Variants in SRSF6 observed in about 807,000 individuals in gnomAD.
SRSF6 encodes the protein serine/arginine-rich splicing factor 6.
In SRSF6, 17 loss-of-function variants were observed where a neutral mutation model predicts 42.0. The ratio of observed to expected loss-of-function variants is 0.40; its 90% CI spans 0.28 to 0.61. SRSF6 has a LOEUF of 0.61. SRSF6 is among the 20% of genes least tolerant of loss of function. The pLI is 0.37. For synonymous variants in SRSF6, 204 were observed against 166.7 expected (o/e 1.22, Z -1.72); for missense variants, 379 against 471.4 (o/e 0.80, Z 1.81).
In SRSF6 at chr20:43,457,953, C is replaced by T. The variant is rs2017521888; in HGVS notation, c.-81C>T. ...GTGAGGCGCGTGTTCGGGCTCTTGCCGTCCCCGCACCCGCACCGCGGTTAC... is the reference window on the plus strand; with the variant it reads ...GTGAGGCGCGTGTTCGGGCTCTTGCTGTCCCCGCACCCGCACCGCGGTTAC... On this transcript the variant is annotated 5_prime_UTR_variant, in exon 1 of 6. Transcript: ENST00000244020. The T allele has an allele frequency of 9.9e-6, 12 of 1,212,308 alleles. No homozygotes were observed. Among genetic ancestry groups the T allele is most frequent in the South Asian group, 2.6e-5 (2 of 78,254 alleles). 75.1% of individuals were successfully genotyped at this position (1,212,308 alleles called of 1,614,324 possible). A position where few individuals can be genotyped will look rare whatever the true frequency, so the allele number is the denominator to read the frequency against.
At chr20:43,458,332 C>A in intron 1 of SRSF6, 29 bp from the exon 2 acceptor site, 2 of 1,515,030 alleles carry the variant, frequency 1.3e-6, no homozygotes, top group Non-Finnish European at 1.8e-6. Flanking sequence ...GACTCCCCCG[C>A]GGTTGTCCGG....
rs1443186386 is a variant in SRSF6 at position 43,461,565 on chromosome 20, T to C, written c.*502T>C. On this transcript the variant is annotated 3_prime_UTR_variant, in exon 6 of 6. Transcript: ENST00000244020. Reference sequence around the variant, plus strand: ...GTTTGCTACCAAGATGATTGCCTTATTGAATAGGTCACTATTAAATTCCTT... The same window carrying C: ...GTTTGCTACCAAGATGATTGCCTTACTGAATAGGTCACTATTAAATTCCTT... 6 of 152,632 alleles carry C rather than the reference T, an allele frequency of 3.9e-5. No individual in the cohort carries two copies. Among genetic ancestry groups the C allele is most frequent in the Non-Finnish European group, 8.8e-5 (6 of 68,094 alleles). 9.5% of individuals were successfully genotyped at this position (152,632 alleles called of 1,614,324 possible). A position where few individuals can be genotyped will look rare whatever the true frequency, so the allele number is the denominator to read the frequency against.
intron 3 of SRSF6, 36 bp from the exon 4 acceptor site, chr20:43,459,997 T>G: frequency 6.2e-7 from 1 of 1,613,680 alleles, no homozygotes; most frequent in Non-Finnish European, 8.5e-7. Flanking sequence ...TATAGATGTT[T>G]TAAGATTTCC....
Position 43,458,361 on chromosome 20 carries a change from G to C in SRSF6, c.108G>C (p.Gly36=). The change falls in exon 2 of 6, where the codon GGG becomes GGC. Residue 36 remains glycine, a splice_region_variant and synonymous_variant. Coordinates refer to ENST00000244020, the MANE Select transcript of SRSF6 (RefSeq NM_006275.6). ...GRLLEVDLKN[G]YGFVEFEDSR... ...TGTCCGGCCCTCGCACCGCCCCTAG[G>C]TACGGCTTCGTGGAGTTCGAGGACT... 1.3e-6 allele frequency: 2 copies of C among 1,553,020 alleles called. No homozygotes were observed. The highest frequency in any genetic ancestry group is 2.6e-5 in the East Asian group (1 of 38,008).
intron 1 of SRSF6, 95 bp from the exon 2 acceptor site, chr20:43,458,266 C>G (rs934274594): frequency 7.2e-7 from 1 of 1,395,314 alleles, no homozygotes; most frequent in Non-Finnish European, 9.3e-7. Flanking sequence ...GACGGCGCGG[C>G]GTCGCGGGGG....
At position 43,458,154 on chromosome 20, in the gene SRSF6, G is replaced by A. The variant is rs1600859900; in HGVS notation, c.107+14G>A. The A allele has an allele frequency of 1.2e-6, 2 of 1,609,298 alleles. No homozygotes were observed. The highest frequency in any genetic ancestry group is 1.7e-6 in the Non-Finnish European group (2 of 1,177,200). ...CCTCAAAAATGGGTGAGTCGGGCCT[G>A]GGCGCCCGCGCCCAGCGTCCCAGGC... On this transcript the variant is annotated intron_variant, in intron 1 of 5. Transcript: ENST00000244020.
rs1387111412 is a variant in SRSF6, at chr20:43,462,321, A to G, written c.*1258A>G. ...TACTAGGTTAGCAATTAGTCCATACATCCATAAGCCTGATGAGTTGAAATT... is the reference window on the plus strand; with the variant it reads ...TACTAGGTTAGCAATTAGTCCATACGTCCATAAGCCTGATGAGTTGAAATT... On this transcript the variant is annotated 3_prime_UTR_variant, in exon 6 of 6. Coordinates refer to ENST00000244020, the MANE Select transcript of SRSF6 (RefSeq NM_006275.6). 1 of 152,248 alleles carries G rather than the reference A, an allele frequency of 6.6e-6. No individual in the cohort carries two copies. The highest frequency in any genetic ancestry group is 1.5e-5 in the Non-Finnish European group (1 of 68,044). 9.4% of individuals were successfully genotyped at this position (152,248 alleles called of 1,614,324 possible). A position where few individuals can be genotyped will look rare whatever the true frequency, so the allele number is the denominator to read the frequency against.
intron 3 of SRSF6, 59 bp from the exon 4 acceptor site, chr20:43,459,974 A>G: frequency 6.2e-7 from 1 of 1,604,826 alleles, no homozygotes; most frequent in East Asian, 2.2e-5. Context: ...ATTTCTGGGA[A>G]TTTATTATGG....
In SRSF6 at chr20:43,462,822, A is replaced by T. The variant is rs1017651521; in HGVS notation, c.*1759A>T. Reference sequence around the variant, plus strand: ...TCTTATTTTCTTTGATACTTTATTTAATTAGATGTTTATAAAGAAATGGGT... The same window carrying T: ...TCTTATTTTCTTTGATACTTTATTTTATTAGATGTTTATAAAGAAATGGGT... On this transcript the variant is annotated 3_prime_UTR_variant, in exon 6 of 6. Coordinates refer to ENST00000244020, the MANE Select transcript of SRSF6 (RefSeq NM_006275.6). The T allele has an allele frequency of 1.3e-5, 2 of 152,570 alleles. No homozygotes were observed. The highest frequency in any genetic ancestry group is 4.8e-5 in the African/African-American group (2 of 41,432). 9.5% of individuals were successfully genotyped at this position (152,570 alleles called of 1,614,324 possible).
At chr20:43,460,002 A>C (rs2017557706) in intron 3 of SRSF6, 31 bp from the exon 4 acceptor site, 3 of 1,613,912 alleles carry the variant, frequency 1.9e-6, no homozygotes, top group Non-Finnish European at 2.5e-6. Context: ...ATGTTTTAAG[A>C]TTTCCGAGTC....
intron 4 of SRSF6, 38 bp downstream of exon 4, chr20:43,460,279 T>G (rs781198689): frequency 1.8e-5 from 29 of 1,602,426 alleles, no homozygotes; most frequent in Non-Finnish European, 2.1e-5. Flanking sequence ...GGAAACAATA[T>G]TTGCCAATAA....
intron 2 of SRSF6, chr20:43,459,525 G>A: frequency 3.0e-6 from 4 of 1,324,312 alleles, no homozygotes; most frequent in Non-Finnish European, 3.9e-6. Context: ...AAAACTTAGC[G>A]AGGTAAATCG....
Position 43,460,693 on chromosome 20 carries a change from C to T in SRSF6, c.675-10C>T, listed in dbSNP as rs573781446. On this transcript the variant is annotated splice_polypyrimidine_tract_variant and intron_variant, in intron 5 of 5. Coordinates refer to ENST00000244020, the MANE Select transcript of SRSF6 (RefSeq NM_006275.6). ...CTAAGTATTGAGAAAATCGGTCTTT[C>T]CTTGTCCAGTTCCAGGTCGCGGAGC... 5 of 1,612,910 alleles carry T rather than the reference C, an allele frequency of 3.1e-6. No homozygotes were observed. In the African/African-American group the frequency reaches 4.0e-5, roughly 13 times the overall value.
In SRSF6 at chr20:43,458,326, C is replaced by G. The variant is rs182117896; in HGVS notation, c.108-35C>G. 5.1e-5 allele frequency: 77 copies of G among 1,505,852 alleles called. 1 individual carries two copies. In the South Asian group the frequency reaches 7.7e-4, roughly 15 times the overall value. 93.3% of individuals were successfully genotyped at this position (1,505,852 alleles called of 1,614,324 possible). On this transcript the variant is annotated intron_variant, in intron 1 of 5. Coordinates refer to ENST00000244020, the MANE Select transcript of SRSF6 (RefSeq NM_006275.6). ...CACGTGCGCGTCCTGGCTAACGACT[C>G]CCCCGCGGTTGTCCGGCCCTCGCAC...
intron 2 of SRSF6, 61 bp downstream of exon 2, chr20:43,458,570 G>A (rs1207234176): frequency 6.4e-6 from 9 of 1,413,360 alleles, no homozygotes; most frequent in Non-Finnish European, 6.4e-6. Flanking sequence ...GGTGGGTGGG[G>A]TGGGGCCTCC....
chr20:43,459,096 A>G, intron 2 of SRSF6: 2 of 1,338,850 alleles, frequency 1.5e-6, no homozygotes, highest in South Asian at 1.2e-5. Flanking sequence ...TGATGTTTAA[A>G]TTGTTGCATG....
At position 43,457,984 on chromosome 20, in the gene SRSF6, T is replaced by G; in HGVS notation, c.-50T>G. ...CGCACCCGCACCGCGGTTACTGGCTTGCGGTCCGCCGTTCGACAACCAGCC... is the reference window on the plus strand; with the variant it reads ...CGCACCCGCACCGCGGTTACTGGCTGGCGGTCCGCCGTTCGACAACCAGCC... On this transcript the variant is annotated 5_prime_UTR_variant, in exon 1 of 6. Coordinates refer to ENST00000244020, the MANE Select transcript of SRSF6 (RefSeq NM_006275.6). The G allele has an allele frequency of 6.7e-7, 1 of 1,502,904 alleles. No homozygotes were observed. Among genetic ancestry groups the G allele is most frequent in the Non-Finnish European group, 9.1e-7 (1 of 1,094,640 alleles). The allele number at this position is 1,502,904 out of a possible 1,614,324, so 93.1% of individuals were successfully genotyped here.
intron 4 of SRSF6, 58 bp from the exon 5 acceptor site, chr20:43,460,457 G>A (rs1256195449): frequency 1.3e-6 from 2 of 1,549,366 alleles, no homozygotes; most frequent in Admixed American, 3.5e-5. Flanking sequence ...TTTGCCAGAT[G>A]GCACGGATGT....
chr20:43,461,302 C>T lies in SRSF6; in HGVS notation c.*239C>T, dbSNP rs73910136. 0.016 allele frequency: 2,739 copies of T among 172,716 alleles called. 120 individuals carry two copies. The highest frequency in any genetic ancestry group is 0.081 in the African/African-American group (2,535 of 31,426). The allele number at this position is 172,716 out of a possible 1,614,324, so 10.7% of individuals were successfully genotyped here. ...TTTGATTTTATAGCTTTTGAGCTAA[C>T]GTAACTTTTGTAAAGATTAAGCTCA... is the stretch of plus-strand genomic sequence containing the variant. On this transcript the variant is annotated 3_prime_UTR_variant, in exon 6 of 6. Coordinates refer to ENST00000244020, the MANE Select transcript of SRSF6 (RefSeq NM_006275.6).
Sources: gnomAD v4.1 joint callset for allele counts on GRCh38, gnomAD v4.1.1 for gene constraint, MANE v1.5 for transcripts, NCBI Gene and HGNC (gene_info 2026-07-23, HGNC 2026-07-21) for gene names.